Variants in SPOCK3 observed in about 807,000 individuals in gnomAD.
SPOCK3 encodes testican-3.
Under a neutral mutation model 56.6 loss-of-function variants are expected in SPOCK3, and 30 were observed. That is an observed-to-expected ratio of 0.53 (90% CI 0.40 to 0.72). The LOEUF is 0.72. SPOCK3 is among the 30% of genes least tolerant of loss of function. SPOCK3 has a pLI of 0.00. For missense variants in SPOCK3, 527 were observed against 530.0 expected, an observed-to-expected ratio of 0.99 and a Z score of 0.06; for synonymous variants, 196 against 183.3, an observed-to-expected ratio of 1.07 and a Z score of -0.56.
chr4:166,805,985 A>G (rs1551491), intron 6 of SPOCK3, among the ~76,000 whole-genome samples: 53,495 of 151,902 alleles, frequency 0.35, 10,942 homozygotes, highest in East Asian at 0.74. Flanking sequence ...AGCACAAGAA[A>G]ACATTAATGA....
At chr4:166,842,320 A>G (rs983249586) in intron 6 of SPOCK3, among the ~76,000 whole-genome samples, 2 of 152,116 alleles carry the variant, frequency 1.3e-5, no homozygotes, top group African/African-American at 4.8e-5. Context: ...TCCATTTTAC[A>G]GAGAGCTGAT....
At chr4:166,924,584 T>A (rs1579665826) in intron 4 of SPOCK3, among the ~76,000 whole-genome samples, 1 of 152,336 alleles carries the variant, frequency 6.6e-6, no homozygotes, top group Non-Finnish European at 1.5e-5. Context: ...TAAAATATAC[T>A]ACATGCTAAG....
rs749943524 is a variant in SPOCK3 at position 167,234,476 on chromosome 4, C to T, written c.-27G>A. The T allele has an allele frequency of 3.9e-5, 16 of 405,216 alleles. No individual in the cohort carries two copies. The highest frequency in any genetic ancestry group is 6.8e-5 in the Non-Finnish European group (15 of 221,668). The allele number at this position is 405,216 out of a possible 1,614,324, so 25.1% of individuals were successfully genotyped here. A position where few individuals can be genotyped will look rare whatever the true frequency, so the allele number is the denominator to read the frequency against. ...TTGTTGTGAGCCAGCACTGTGCTCG[C>T]AGCTCCTGCTGGAAATGCAGCCCTG... On this transcript the variant is annotated 5_prime_UTR_variant, in exon 1 of 11. Transcript: ENST00000357545.
At chr4:167,092,210 A>G (rs1758768130) in intron 2 of SPOCK3, among the ~76,000 whole-genome samples, 1 of 152,160 alleles carries the variant, frequency 6.6e-6, no homozygotes, top group African/African-American at 2.4e-5. Flanking sequence ...TCCCTCTCCT[A>G]GCCAAGGGAA....
intron 2 of SPOCK3, among the ~76,000 whole-genome samples, chr4:167,177,202 T>C (rs1043864710): frequency 1.3e-5 from 2 of 151,864 alleles, no homozygotes; most frequent in Admixed American, 6.6e-5. Flanking sequence ...AGCAGGGGTA[T>C]GGTAGAGGAT....
intron 2 of SPOCK3, among the ~76,000 whole-genome samples, chr4:167,197,655 TA>T (rs1353618764): frequency 6.6e-6 from 1 of 152,028 alleles, no homozygotes; most frequent in Non-Finnish European, 1.5e-5. Context: ...TTGTGAAATT[TA>T]AAGTTAAAAT....
At chr4:166,804,758 T>C (rs1387107879) in intron 6 of SPOCK3, among the ~76,000 whole-genome samples, 8 of 152,114 alleles carry the variant, frequency 5.3e-5, no homozygotes, top group Non-Finnish European at 1.2e-4. Flanking sequence ...CCAAGTGCAA[T>C]TGATGATGCT....
intron 7 of SPOCK3, among the ~76,000 whole-genome samples, chr4:166,791,022 A>G (rs760007586): frequency 2.2e-4 from 33 of 152,210 alleles, no homozygotes; most frequent in Non-Finnish European, 4.3e-4. Flanking sequence ...CCAAAAAATT[A>G]ACCAATAAAT....
At chr4:167,143,543 C>T (rs58551806) in intron 2 of SPOCK3, among the ~76,000 whole-genome samples, 1,558 of 152,074 alleles carry the variant, frequency 0.01, 21 homozygotes, top group African/African-American at 0.035. Context: ...ACTGTATTTT[C>T]TTGATTCAAA....
intron 4 of SPOCK3, among the ~76,000 whole-genome samples, chr4:166,974,348 T>G (rs538717941): frequency 1.5e-3 from 229 of 152,276 alleles, no homozygotes; most frequent in Non-Finnish European, 2.8e-3. Flanking sequence ...AGTTTTCAGA[T>G]TTTGAAATCT....
At chr4:167,167,214 C>T (rs993090516) in intron 2 of SPOCK3, among the ~76,000 whole-genome samples, 3 of 151,924 alleles carry the variant, frequency 2.0e-5, no homozygotes, top group Non-Finnish European at 4.4e-5. Context: ...AACAAGCATA[C>T]AAAAAATCAT....
chr4:167,135,568 G>A (rs1763043117), intron 2 of SPOCK3, among the ~76,000 whole-genome samples: 2 of 152,016 alleles, frequency 1.3e-5, no homozygotes, highest in South Asian at 4.1e-4. Flanking sequence ...TGTACTATAT[G>A]AGTCATATTG....
intron 4 of SPOCK3, among the ~76,000 whole-genome samples, chr4:166,960,998 A>G (rs1744081290): frequency 6.6e-6 from 1 of 152,212 alleles, no homozygotes; most frequent in Non-Finnish European, 1.5e-5. Flanking sequence ...AGGGTAAATA[A>G]TCTGGCAGTT....
intron 2 of SPOCK3, among the ~76,000 whole-genome samples, chr4:167,151,499 A>T (rs1318889439): frequency 7.0e-6 from 1 of 142,376 alleles, no homozygotes; most frequent in Non-Finnish European, 1.5e-5. Context: ...CAGTGGCATG[A>T]TCTCGACTCA....
rs545098983 is a variant in SPOCK3 at position 167,208,249 on chromosome 4, A to G, written c.189+25736T>C. ...GGGGCAATTTCTTAGAGATTTATTG[A>G]ATGATAAGTAAAATTAAAATGGTAT... is the stretch of plus-strand genomic sequence containing the variant. On this transcript the variant is annotated intron_variant, in intron 2 of 10. Transcript: ENST00000357545. Among the ~76,000 whole-genome samples the G allele has an allele frequency of 2.6e-5, 4 of 152,260 alleles. No individual in the cohort carries two copies. The South Asian group carries it at 8.3e-4, about 32-fold the overall frequency.
At chr4:166,826,867 A>G (rs534703693) in intron 6 of SPOCK3, among the ~76,000 whole-genome samples, 2 of 152,210 alleles carry the variant, frequency 1.3e-5, no homozygotes, top group African/African-American at 4.8e-5. Context: ...AAGAGGGCAA[A>G]TGGCCTGGAC....
At chr4:167,198,316 G>C (rs963515388) in intron 2 of SPOCK3, among the ~76,000 whole-genome samples, 7 of 152,086 alleles carry the variant, frequency 4.6e-5, no homozygotes. Flanking sequence ...AGAATATCTG[G>C]AATGGCTATG....
At chr4:166,792,320 AT>A in intron 6 of SPOCK3, 31 bp from the exon 7 acceptor site, 1 of 1,611,988 alleles carries the variant, frequency 6.2e-7, no homozygotes. Context: ...CAAGTCTTGA[AT>A]AATATCTTAG....
At chr4:167,165,229 A>C (rs1054005830) in intron 2 of SPOCK3, among the ~76,000 whole-genome samples, 2 of 152,206 alleles carry the variant, frequency 1.3e-5, no homozygotes, top group Non-Finnish European at 2.9e-5. Flanking sequence ...ATTAAACTAA[A>C]GAGCTTCTGC....
Sources: allele counts gnomAD v4.1 joint callset (sites outside exome capture counted in the v4.1 genomes callset), GRCh38; gene constraint gnomAD v4.1.1; transcripts MANE v1.5; gene names NCBI Gene and HGNC (gene_info 2026-07-23, HGNC 2026-07-21).